The following PLCH1 variants were observed in gnomAD, a reference collection of about 807,000 sequenced individuals.
PLCH1 encodes the protein 1-phosphatidylinositol 4,5-bisphosphate phosphodiesterase eta-1.
In PLCH1, 60 loss-of-function variants were observed where a neutral mutation model predicts 126.7. The observed-to-expected ratio is 0.47, with a 90% CI of 0.38 to 0.59. PLCH1 has a LOEUF of 0.59. PLCH1 is among the 20% of genes least tolerant of loss of function. PLCH1 has a pLI of 0.00. For missense variants in PLCH1, 1,723 were observed against 2,040.0 expected (o/e 0.84, Z 2.99); for synonymous variants, 719 against 734.9 (o/e 0.98, Z 0.35).
intron 1 of PLCH1, among the ~76,000 whole-genome samples, chr3:155,721,480 A>G (rs1001941948): frequency 6.6e-6 from 1 of 152,026 alleles, no homozygotes; most frequent in Non-Finnish European, 1.5e-5. Flanking sequence ...CTATTGTAAC[A>G]GGGGTTGAGT....
At chr3:155,707,088 T>C (rs1280344123) in intron 1 of PLCH1, among the ~76,000 whole-genome samples, 1 of 152,062 alleles carries the variant, frequency 6.6e-6, no homozygotes, top group African/African-American at 2.4e-5. Flanking sequence ...CCTTCCACCA[T>C]ATGAGAACAC....
downstream of PLCH1, among the ~76,000 whole-genome samples, chr3:155,479,258 T>C (rs1431351438): frequency 6.6e-6 from 1 of 152,166 alleles, no homozygotes; most frequent in Non-Finnish European, 1.5e-5. Flanking sequence ...AACCAAGGTC[T>C]AAGGATAGAA....
In PLCH1 at chr3:155,488,062, A is replaced by G; in HGVS notation, c.2585T>C (p.Phe862Ser). 6.2e-7 allele frequency: 1 copy of G among 1,607,498 alleles called. No individual in the cohort carries two copies. The highest frequency in any genetic ancestry group is 8.5e-7 in the Non-Finnish European group (1 of 1,173,908). ...GATTTCATTGATGGTTATGTGTACA[A>G]ATATGGATGCTTCTGTCAGTCCTTC... ...YLEGLTEASIFVHITINEIYG... is the reference protein window; with the variant it reads ...YLEGLTEASISVHITINEIYG... The change falls in exon 21 of 23, where the codon TTT becomes TCT. Residue 862 changes from phenylalanine (F) to serine (S), a missense_variant. Phe to Ser is a radical substitution (Grantham distance 155). Around this residue, in one of 2 missense-constraint regions of PLCH1, gnomAD observed 776 missense variants for 1,062.9 expected, o/e 0.73. Transcript: ENST00000460012.
intron 2 of PLCH1, among the ~76,000 whole-genome samples, chr3:155,616,029 T>C (rs949657745): frequency 2.6e-5 from 4 of 152,208 alleles, no homozygotes; most frequent in African/African-American, 7.2e-5. Context: ...TTCAACTTGC[T>C]TGCTTTAGAG....
chr3:155,705,201 A>C (rs1746565238), intron 1 of PLCH1, among the ~76,000 whole-genome samples: 1 of 152,224 alleles, frequency 6.6e-6, no homozygotes, highest in Admixed American at 6.5e-5. Context: ...GGATAAAATC[A>C]GTCACTTAGT....
chr3:155,675,658 C>T (rs1367978056), intron 2 of PLCH1, among the ~76,000 whole-genome samples: 1 of 152,166 alleles, frequency 6.6e-6, no homozygotes, highest in Non-Finnish European at 1.5e-5. Context: ...ACCTACTGTT[C>T]ATAAATGTCA....
At chr3:155,597,266 G>GAGCA (rs1301230961) in intron 2 of PLCH1, among the ~76,000 whole-genome samples, 2 of 152,142 alleles carry the variant, frequency 1.3e-5, no homozygotes, top group East Asian at 3.9e-4. Flanking sequence ...CATAAATCCT[G>GAGCA]AGCATATCAT....
intron 14 of PLCH1, among the ~76,000 whole-genome samples, chr3:155,498,811 A>G (rs549307648): frequency 8.3e-4 from 127 of 152,192 alleles, no homozygotes; most frequent in African/African-American, 3.0e-3. Context: ...TCTCCTACAA[A>G]CCACTCATAG....
At chr3:155,632,186 C>T (rs908817975) in intron 2 of PLCH1, among the ~76,000 whole-genome samples, 1 of 152,128 alleles carries the variant, frequency 6.6e-6, no homozygotes, top group Non-Finnish European at 1.5e-5. Flanking sequence ...AAGAGCTGTG[C>T]TTGATGGCTG....
rs1394553633 is a variant in PLCH1 at position 155,557,978 on chromosome 3, A to T, written c.1070-3782T>A. 1.8e-4 allele frequency among the ~76,000 whole-genome samples: 28 copies of T among 152,222 alleles called. 1 individual carries two copies. The highest frequency in any genetic ancestry group is 1.8e-3 in the Admixed American group (27 of 15,282). On this transcript the variant is annotated intron_variant, in intron 8 of 22. Coordinates refer to ENST00000460012, the MANE Select transcript of PLCH1 (RefSeq NM_014996.4). ...TATTTATTAAGCAACTCAGGCTGAA[A>T]ATCAAGCGAATAAAAGGCCATGTAA...
intron 1 of PLCH1, among the ~76,000 whole-genome samples, chr3:155,714,345 A>C (rs1393794627): frequency 6.6e-6 from 1 of 152,164 alleles, no homozygotes; most frequent in Non-Finnish European, 1.5e-5. Context: ...CAGCTTCTAA[A>C]GCAGTTCAGA....
intron 2 of PLCH1, among the ~76,000 whole-genome samples, chr3:155,669,580 C>T (rs1743186713): frequency 6.6e-6 from 1 of 152,190 alleles, no homozygotes; most frequent in South Asian, 2.1e-4. Context: ...TGTTCTTATT[C>T]TCTCATTTTC....
chr3:155,618,940 C>T (rs541836379), intron 2 of PLCH1, among the ~76,000 whole-genome samples: 1 of 152,282 alleles, frequency 6.6e-6, no homozygotes, highest in South Asian at 2.1e-4. Flanking sequence ...ATACCCTGCC[C>T]CTGATATCAA....
chr3:155,537,801 G>A (rs1265444253), intron 10 of PLCH1, among the ~76,000 whole-genome samples: 1 of 152,104 alleles, frequency 6.6e-6, no homozygotes, highest in African/African-American at 2.4e-5. Context: ...ATAATAGTGA[G>A]AGAATTCAAT....
chr3:155,483,362 C>T, intron 22 of PLCH1: 1 of 1,544,540 alleles, frequency 6.5e-7, no homozygotes, highest in Non-Finnish European at 8.8e-7. Context: ...AAGTTGTTTC[C>T]TATTCAGATT....
At chr3:155,641,272 TA>T (rs1739369268) in intron 2 of PLCH1, among the ~76,000 whole-genome samples, 2 of 152,132 alleles carry the variant, frequency 1.3e-5, no homozygotes, top group African/African-American at 4.8e-5. Flanking sequence ...TTTTTTAAAT[TA>T]AAAATCTTGA....
At chr3:155,542,475 A>C (rs1724476299) in intron 10 of PLCH1, among the ~76,000 whole-genome samples, 1 of 152,146 alleles carries the variant, frequency 6.6e-6, no homozygotes, top group South Asian at 2.1e-4. Context: ...ACAAACAAAA[A>C]GACAGCAGTA....
chr3:155,620,817 G>C (rs569552960), intron 2 of PLCH1, among the ~76,000 whole-genome samples: 18 of 150,478 alleles, frequency 1.2e-4, no homozygotes, highest in Non-Finnish European at 1.9e-4. Context: ...TGGGGGAAGG[G>C]GCAGCTGTGG....
chr3:155,547,319 G>A lies in PLCH1; in HGVS notation c.1362+2468C>T, dbSNP rs572818644. On this transcript the variant is annotated intron_variant, in intron 10 of 22. Transcript: ENST00000460012. ...CACCATCACTAGCCATCAGAGAAATGCAAATCAAAACCACAGTGAGATACC... is the reference window on the plus strand; with the variant it reads ...CACCATCACTAGCCATCAGAGAAATACAAATCAAAACCACAGTGAGATACC... 2.1e-3 allele frequency among the ~76,000 whole-genome samples: 322 copies of A among 151,972 alleles called. 1 individual carries two copies. Among genetic ancestry groups the A allele is most frequent in the African/African-American group, 7.0e-3 (291 of 41,456 alleles).
Sources: allele counts gnomAD v4.1 joint callset (sites outside exome capture counted in the v4.1 genomes callset), GRCh38; gene constraint gnomAD v4.1.1; regional missense constraint gnomAD v4.1.1; transcripts MANE v1.5; gene names NCBI Gene and HGNC (gene_info 2026-07-23, HGNC 2026-07-21).